Variants in SDK2 observed in about 807,000 individuals in gnomAD.
SDK2 encodes sidekick cell adhesion molecule 2.
In SDK2, 105 loss-of-function variants were observed where a neutral mutation model predicts 253.9. That is an observed-to-expected ratio of 0.41 (90% CI 0.35 to 0.49). The LOEUF is 0.49. Ranked by LOEUF, SDK2 falls within the 20% of genes least tolerant of loss-of-function variation. The pLI is 0.06. For missense variants in SDK2, 2,608 were observed against 3,003.0 expected, an observed-to-expected ratio of 0.87 and a Z score of 3.07; for synonymous variants, 1,249 against 1,234.9, an observed-to-expected ratio of 1.01 and a Z score of -0.24.
chr17:73,559,598 G>GCCCCCCC (rs10633523), intron 1 of SDK2, among the ~76,000 whole-genome samples: 26 of 122,178 alleles, frequency 2.1e-4, no homozygotes, highest in African/African-American at 3.7e-4. Context: ...CGCTCCCTGT[G>GCCCCCCC]CCCCCCGCCC....
chr17:73,367,509 T>G (rs1208119093), intron 37 of SDK2, among the ~76,000 whole-genome samples: 1 of 151,550 alleles, frequency 6.6e-6, no homozygotes, highest in African/African-American at 2.4e-5. Context: ...TCTTGTCTTT[T>G]TTTTTTTTGG....
At chr17:73,350,868 ACTAACTG>A (rs1409107332) in intron 41 of SDK2, 78 bp from the exon 42 acceptor site, 1 of 1,433,332 alleles carries the variant, frequency 7.0e-7, no homozygotes, top group African/African-American at 1.4e-5. Flanking sequence ...TTGGGACCCT[ACTAACTG>A]CTACAATCTA....
chr17:73,489,995 A>G (rs538138085), intron 2 of SDK2, among the ~76,000 whole-genome samples: 301 of 152,352 alleles, frequency 2.0e-3, no homozygotes, highest in Middle Eastern at 0.017. Context: ...TGGATTTACC[A>G]TCATGAGAAC....
In SDK2 at chr17:73,419,174, G is replaced by A. The variant is rs1317500337; in HGVS notation, c.2178C>T (p.Tyr726=). ...ESHQNGILKG[Y]IIRYCLAGLP... is the part of the protein sequence containing the mutation. Reference sequence around the variant, plus strand: ...CCAGGGTGGACACCCACCTGATGATGTAACCCTTGAGAATTCCATTCTGGT... The same window carrying A: ...CCAGGGTGGACACCCACCTGATGATATAACCCTTGAGAATTCCATTCTGGT... Residue 726 remains tyrosine (Y), a synonymous_variant, in exon 16 of 45, where the codon TAC becomes TAT. Coordinates refer to ENST00000392650, the MANE Select transcript of SDK2 (RefSeq NM_001144952.2). The A allele has an allele frequency of 2.5e-6, 4 of 1,612,184 alleles. No homozygotes were observed. The highest frequency in any genetic ancestry group is 1.1e-5 in the South Asian group (1 of 90,488).
intron 1 of SDK2, among the ~76,000 whole-genome samples, chr17:73,567,824 C>T (rs1031422561): frequency 1.3e-5 from 2 of 152,204 alleles, no homozygotes; most frequent in Non-Finnish European, 2.9e-5. Flanking sequence ...AAATGTTTAC[C>T]TCATGCCTGT....
In SDK2 at chr17:73,629,274, T is replaced by A. The variant is rs918549776; in HGVS notation, c.64+14751A>T. On this transcript the variant is annotated intron_variant, in intron 1 of 44. Transcript: ENST00000392650. This position sits in a 1 kb window ranked among gnomAD's most constrained non-coding sequence, Gnocchi z 5.0. ...AGAATCTGGAGCCCAAGGAGGGTGCTGGGAAGAAAGACCACAAGCCCCAGA... is the reference window on the plus strand; with the variant it reads ...AGAATCTGGAGCCCAAGGAGGGTGCAGGGAAGAAAGACCACAAGCCCCAGA... 1.3e-5 allele frequency among the ~76,000 whole-genome samples: 2 copies of A among 152,134 alleles called. No individual in the cohort carries two copies. The highest frequency in any genetic ancestry group is 2.9e-5 in the Non-Finnish European group (2 of 68,018).
At position 73,368,348 on chromosome 17, in the gene SDK2, C is replaced by T; in HGVS notation, c.5167+59G>A. 1.9e-5 allele frequency: 26 copies of T among 1,352,604 alleles called. 1 individual carries two copies. The South Asian group carries it at 4.2e-4, about 22-fold the overall frequency. 83.8% of individuals were successfully genotyped at this position (1,352,604 alleles called of 1,614,324 possible). ...CCAAGAGCCCGGATGCCAGGTAGGTCCTCTTGCAACCCCCCGTGGCCGACC... is the reference window on the plus strand; with the variant it reads ...CCAAGAGCCCGGATGCCAGGTAGGTTCTCTTGCAACCCCCCGTGGCCGACC... On this transcript the variant is annotated intron_variant, in intron 37 of 44. Transcript: ENST00000392650.
At chr17:73,535,291 G>A (rs1412495287) in intron 1 of SDK2, among the ~76,000 whole-genome samples, 1 of 152,196 alleles carries the variant, frequency 6.6e-6, no homozygotes, top group Admixed American at 6.5e-5. Flanking sequence ...TGTGCTGTGT[G>A]GCTTAGAAGG....
intron 10 of SDK2, among the ~76,000 whole-genome samples, chr17:73,432,672 T>A (rs1267200954): frequency 1.0e-5 from 1 of 98,646 alleles, no homozygotes; most frequent in Non-Finnish European, 2.0e-5. Flanking sequence ...GAGGTAGGGC[T>A]GGAGGGGAGG....
rs181928761 is a variant in SDK2, at chr17:73,498,075, C to T, written c.224+9363G>A. Among the ~76,000 whole-genome samples, 433 of 152,368 alleles carry T rather than the reference C, an allele frequency of 2.8e-3. 4 individuals are homozygous for T. The highest frequency in any genetic ancestry group is 1.9e-3 in the Non-Finnish European group (129 of 68,042). ...CACGCATCAAAACTGGATCCACCCACACTTGCACTATTATTTAGTTCTGCT... is the reference window on the plus strand; with the variant it reads ...CACGCATCAAAACTGGATCCACCCATACTTGCACTATTATTTAGTTCTGCT... On this transcript the variant is annotated intron_variant, in intron 2 of 44. Coordinates refer to ENST00000392650, the MANE Select transcript of SDK2 (RefSeq NM_001144952.2).
intron 16 of SDK2, among the ~76,000 whole-genome samples, chr17:73,417,335 G>T (rs1319328864): frequency 1.1e-4 from 17 of 151,858 alleles, no homozygotes; most frequent in Admixed American, 1.1e-3. Flanking sequence ...GAGCCCAGGA[G>T]GTGGAGGTTG....
At chr17:73,370,640 C>T (rs2062726512) in intron 36 of SDK2, among the ~76,000 whole-genome samples, 1 of 151,888 alleles carries the variant, frequency 6.6e-6, no homozygotes. Context: ...CTCACTGTAA[C>T]CTTGACCTCC....
At chr17:73,480,752 AAG>A (rs2063717301) in intron 2 of SDK2, among the ~76,000 whole-genome samples, 1 of 151,994 alleles carries the variant, frequency 6.6e-6, no homozygotes, top group Non-Finnish European at 1.5e-5. Flanking sequence ...GAAAGAGACA[AAG>A]AGAGACAGGG....
At chr17:73,548,833 C>T (rs2045009376) in intron 1 of SDK2, among the ~76,000 whole-genome samples, 1 of 152,232 alleles carries the variant, frequency 6.6e-6, no homozygotes, top group South Asian at 2.1e-4. Context: ...GCTGCTATCC[C>T]ACGGAGGGCA....
At chr17:73,538,867 G>C (rs1237156872) in intron 1 of SDK2, among the ~76,000 whole-genome samples, 1 of 152,158 alleles carries the variant, frequency 6.6e-6, no homozygotes, top group African/African-American at 2.4e-5. Context: ...GAAGCAGAGT[G>C]GGCCTAGAAG....
rs370260561 is a variant in SDK2 at position 73,340,796 on chromosome 17, T to C, written c.6166-1856A>G. Among the ~76,000 whole-genome samples, 117 of 143,110 alleles carry C rather than the reference T, an allele frequency of 8.2e-4. No individual in the cohort carries two copies. In the South Asian group the frequency reaches 0.01, roughly 13 times the overall value. The allele number at this position is 143,110 out of a possible 152,430, so 93.9% of individuals were successfully genotyped here. On this transcript the variant is annotated intron_variant, in intron 44 of 44. Coordinates refer to ENST00000392650, the MANE Select transcript of SDK2 (RefSeq NM_001144952.2). ...TTTGCTCTTGTCGTCCAGGCTTGAG[T>C]GCAGTGGCACGATCTTGGCTCACCT...
chr17:73,448,437 T>C (rs1475102414), intron 4 of SDK2, among the ~76,000 whole-genome samples: 1 of 152,060 alleles, frequency 6.6e-6, no homozygotes, highest in Non-Finnish European at 1.5e-5. Context: ...TGATCTTGGC[T>C]CACTGCAGCC....
At position 73,560,388 on chromosome 17, in the gene SDK2, C is replaced by T. The variant is rs148859629; in HGVS notation, c.65-52791G>A. Among the ~76,000 whole-genome samples, 1,220 of 152,346 alleles carry T rather than the reference C, an allele frequency of 8.0e-3. 6 individuals are homozygous for T. Among genetic ancestry groups the T allele is most frequent in the Middle Eastern group, 0.02 (6 of 294 alleles). ...ACGGAGCCTTGCTCTGTCGCCCAGGCTGGAGTGTAGTGGTGCATCTTGGCT... is the reference window on the plus strand; with the variant it reads ...ACGGAGCCTTGCTCTGTCGCCCAGGTTGGAGTGTAGTGGTGCATCTTGGCT... On this transcript the variant is annotated intron_variant, in intron 1 of 44. Coordinates refer to ENST00000392650, the MANE Select transcript of SDK2 (RefSeq NM_001144952.2).
intron 39 of SDK2, 133 bp from the exon 40 acceptor site, chr17:73,358,337 A>G (rs2062610659): frequency 1.7e-6 from 2 of 1,208,394 alleles, no homozygotes; most frequent in Non-Finnish European, 2.3e-6. Context: ...AGCCCTGCAA[A>G]TGTCGCGGCC....
Sources: gnomAD v4.1 joint callset for allele counts (sites outside exome capture counted in the v4.1 genomes callset) on GRCh38, gnomAD v4.1.1 for gene constraint, Gnocchi (gnomAD v3.1) non-coding constraint, MANE v1.5 for transcripts, NCBI Gene and HGNC (gene_info 2026-07-23, HGNC 2026-07-21) for gene names.